Variants in MYO3B observed in about 807,000 individuals in gnomAD.
MYO3B encodes myosin IIIB.
Under a neutral mutation model 174.6 loss-of-function variants are expected in MYO3B, and 156 were observed. The observed-to-expected ratio is 0.89, with a 90% CI of 0.78 to 1.02. The LOEUF (loss-of-function observed/expected upper bound fraction) is 1.02, where lower values mean the gene tolerates loss of function less well. Among genes scored for constraint, MYO3B ranks in the 50% least tolerant of loss-of-function variants. The pLI, the probability that MYO3B is intolerant of heterozygous loss-of-function variation, is 0.00. For missense variants in MYO3B, 1,632 were observed against 1,639.4 expected, an observed-to-expected ratio of 1.00 and a Z score of 0.08; for synonymous variants, 563 against 569.1, an observed-to-expected ratio of 0.99 and a Z score of 0.15.
At chr2:170,283,196 A>G (rs1219279765) in intron 7 of MYO3B, among the ~76,000 whole-genome samples, 1 of 152,046 alleles carries the variant, frequency 6.6e-6, no homozygotes, top group Non-Finnish European at 1.5e-5. Flanking sequence ...AGACTCTGGG[A>G]GCTCTCTACT....
chr2:170,565,670 A>G (rs1199321421), intron 32 of MYO3B, among the ~76,000 whole-genome samples: 1 of 152,186 alleles, frequency 6.6e-6, no homozygotes, highest in African/African-American at 2.4e-5. Context: ...AAGGAATGAC[A>G]TTTCTGTTTG....
At chr2:170,412,407 A>AT in intron 22 of MYO3B, 1 of 152,278 alleles carries the variant, frequency 6.6e-6, no homozygotes, top group East Asian at 1.9e-4. Flanking sequence ...TCAAAGTTTG[A>AT]TTTTTGCTTC....
intron 7 of MYO3B, among the ~76,000 whole-genome samples, chr2:170,251,818 T>G (rs2093256623): frequency 6.6e-6 from 1 of 152,200 alleles, no homozygotes; most frequent in Non-Finnish European, 1.5e-5. Context: ...GGAAAGGGTC[T>G]AGGATCCAAA....
intron 32 of MYO3B, among the ~76,000 whole-genome samples, chr2:170,608,064 T>G (rs114279040): frequency 6.6e-6 from 1 of 152,138 alleles, no homozygotes; most frequent in Non-Finnish European, 1.5e-5. Context: ...TGCCTGAAAT[T>G]TGGGGACAGG....
intron 32 of MYO3B, among the ~76,000 whole-genome samples, chr2:170,642,115 C>T (rs931769953): frequency 6.6e-6 from 1 of 152,034 alleles, no homozygotes; most frequent in African/African-American, 2.4e-5. Context: ...CCCAATTAAC[C>T]GTCTGAGAAC....
intron 8 of MYO3B, among the ~76,000 whole-genome samples, chr2:170,360,976 C>G (rs575555329): frequency 1.3e-5 from 2 of 152,316 alleles, no homozygotes; most frequent in South Asian, 4.1e-4. Context: ...TCTGATAGAG[C>G]AGTGCAAAAT....
intron 21 of MYO3B, 95 bp from the exon 22 acceptor site, chr2:170,407,620 T>A: frequency 1.1e-6 from 1 of 918,052 alleles, no homozygotes; most frequent in Non-Finnish European, 1.7e-6. Context: ...GAGTTCTATA[T>A]AGAGGTTGAT....
intron 8 of MYO3B, among the ~76,000 whole-genome samples, chr2:170,361,325 G>C (rs2094159351): frequency 6.6e-6 from 1 of 152,176 alleles, no homozygotes; most frequent in African/African-American, 2.4e-5. Flanking sequence ...TGTGTCACAT[G>C]GGTGGAGTTG....
chr2:170,463,132 G>A (rs142249033), intron 23 of MYO3B, among the ~76,000 whole-genome samples: 3 of 152,200 alleles, frequency 2.0e-5, no homozygotes, highest in Admixed American at 1.3e-4. Context: ...AATAAGAGGG[G>A]TTTACACTGA....
chr2:170,483,580 G>A (rs1012663844), intron 25 of MYO3B, among the ~76,000 whole-genome samples: 3 of 125,654 alleles, frequency 2.4e-5, no homozygotes, highest in Non-Finnish European at 4.6e-5. Flanking sequence ...TAGAGACGGG[G>A]TTTCACCGTG....
At chr2:170,322,707 T>C (rs1480525199) in intron 7 of MYO3B, among the ~76,000 whole-genome samples, 1 of 152,230 alleles carries the variant, frequency 6.6e-6, no homozygotes, top group African/African-American at 2.4e-5. Flanking sequence ...ACATCTCCTC[T>C]GGCATTTCAT....
chr2:170,253,736 G>C (rs983815709), intron 7 of MYO3B, among the ~76,000 whole-genome samples: 6 of 152,112 alleles, frequency 3.9e-5, no homozygotes, highest in Non-Finnish European at 7.4e-5. Flanking sequence ...AATAAGGGTA[G>C]TATTCCAGAG....
chr2:170,298,370 C>G (rs972112173), intron 7 of MYO3B, among the ~76,000 whole-genome samples: 6 of 152,032 alleles, frequency 3.9e-5, no homozygotes, highest in Non-Finnish European at 7.4e-5. Flanking sequence ...AACTAAAGGA[C>G]TAGAACTTTA....
chr2:170,484,568 C>T (rs1005454503), intron 25 of MYO3B, among the ~76,000 whole-genome samples: 1 of 152,118 alleles, frequency 6.6e-6, no homozygotes, highest in African/African-American at 2.4e-5. Flanking sequence ...GTATCAGAAA[C>T]ATTTATTAAG....
chr2:170,277,589 C>G (rs1028942353), intron 7 of MYO3B, among the ~76,000 whole-genome samples: 2 of 152,226 alleles, frequency 1.3e-5, no homozygotes, highest in South Asian at 4.2e-4. Flanking sequence ...TTCATCTATT[C>G]ATTCAATTTA....
chr2:170,202,030 C>T (rs1018782747), intron 3 of MYO3B, among the ~76,000 whole-genome samples: 2 of 152,158 alleles, frequency 1.3e-5, no homozygotes, highest in Admixed American at 6.5e-5. Context: ...GCTGCTCATA[C>T]CTGAGGCCAC....
In MYO3B at chr2:170,433,164, T is replaced by C. The variant is rs189970408; in HGVS notation, c.2651-10803T>C. 1.7e-3 allele frequency among the ~76,000 whole-genome samples: 261 copies of C among 152,324 alleles called. 1 individual carries two copies. The highest frequency in any genetic ancestry group is 5.7e-3 in the African/African-American group (236 of 41,568). The stretch of plus-strand genomic sequence containing the variant: ...TGTTTAGATACACAAATACTTTCCA[T>C]TGTGTTATAATTGCCTATAGTATTC... On this transcript the variant is annotated intron_variant, in intron 22 of 34. Coordinates refer to ENST00000408978, the MANE Select transcript of MYO3B (RefSeq NM_138995.5).
At chr2:170,505,489 T>A (rs1208987383) in intron 28 of MYO3B, among the ~76,000 whole-genome samples, 1 of 152,230 alleles carries the variant, frequency 6.6e-6, no homozygotes, top group Non-Finnish European at 1.5e-5. Flanking sequence ...ACAGTGACCT[T>A]GATTCCATTA....
chr2:170,546,192 T>A (rs1158116289), intron 32 of MYO3B, among the ~76,000 whole-genome samples: 1 of 152,212 alleles, frequency 6.6e-6, no homozygotes, highest in African/African-American at 2.4e-5. Flanking sequence ...CTCCCTACTC[T>A]TTTACTCTTT....
Sources: gnomAD v4.1 joint callset for allele counts (sites outside exome capture counted in the v4.1 genomes callset) on GRCh38, gnomAD v4.1.1 for gene constraint, MANE v1.5 for transcripts, NCBI Gene and HGNC (gene_info 2026-07-23, HGNC 2026-07-21) for gene names.